DNAH3: variants seen among roughly 807,000 people sequenced by gnomAD.
DNAH3 encodes dynein axonemal heavy chain 3.
A neutral mutation model predicts 432.5 loss-of-function variants in DNAH3; 332 were observed. The ratio of observed to expected loss-of-function variants is 0.77; its 90% confidence interval spans 0.70 to 0.84. DNAH3 has a LOEUF of 0.84. DNAH3 is among the 40% of genes least tolerant of loss of function. DNAH3 has a pLI of 0.00. For synonymous variants in DNAH3, 1,956 were observed against 1,900.2 expected, an observed-to-expected ratio of 1.03 and a Z score of -0.76; for missense variants, 4,861 against 5,114.0, an observed-to-expected ratio of 0.95 and a Z score of 1.51.
At chr16:20,979,530 T>G (rs759681447) in exon 50 of DNAH3, 1 of 1,614,144 alleles carries the variant, frequency 6.2e-7, no homozygotes, top group Non-Finnish European at 8.5e-7. Context: ...TGGAAATATT[T>G]GCACATGGAC....
intron 18 of DNAH3, among the ~76,000 whole-genome samples, chr16:21,092,324 G>C (rs2091558629): frequency 6.6e-6 from 1 of 152,056 alleles, no homozygotes; most frequent in Non-Finnish European, 1.5e-5. Flanking sequence ...CACAAATATA[G>C]TCAACTGGTC....
intron 17 of DNAH3, among the ~76,000 whole-genome samples, 178 bp downstream of exon 17, chr16:21,098,438 C>CAAA (rs57032212): frequency 1.4e-4 from 9 of 62,884 alleles, no homozygotes; most frequent in African/African-American, 1.5e-4. Flanking sequence ...GACCTTGTCT[C>CAAA]AAAAAAAAAA....
chr16:21,081,780 G>C (rs982430875), intron 19 of DNAH3, 53 bp from the exon 20 acceptor site: 1 of 1,456,694 alleles, frequency 6.9e-7, no homozygotes. Flanking sequence ...GTGCTGTCCA[G>C]TAGAACCTTC....
At chr16:20,988,377 T>G (rs899252113) in intron 44 of DNAH3, among the ~76,000 whole-genome samples, 1 of 152,224 alleles carries the variant, frequency 6.6e-6, no homozygotes, top group Non-Finnish European at 1.5e-5. Context: ...TACTGAGTGC[T>G]AGTTTAGTGC....
intron 41 of DNAH3, among the ~76,000 whole-genome samples, chr16:21,008,656 A>G (rs977126532): frequency 1.3e-5 from 2 of 152,140 alleles, no homozygotes; most frequent in African/African-American, 2.4e-5. Context: ...CCTTTTGTGC[A>G]GCTGCCCAGC....
chr16:21,051,911 G>A lies in DNAH3; in HGVS notation c.4040-43C>T, dbSNP rs1178051770. 19 of 1,550,864 alleles carry A rather than the reference G, an allele frequency of 1.2e-5. No individual in the cohort carries two copies. In the African/African-American group the frequency reaches 1.9e-4, roughly 15 times the overall value. On this transcript the variant is annotated intron_variant, in intron 28 of 61. Coordinates refer to ENST00000261383, the Ensembl canonical transcript of DNAH3. The stretch of plus-strand genomic sequence containing the variant: ...CAGAAACACGCACACAGAGCCATCA[G>A]AACTCTCCATCTTTGTAAGCTCCTC...
intron 34 of DNAH3, among the ~76,000 whole-genome samples, 198 bp downstream of exon 34, chr16:21,037,563 T>C (rs2089232224): frequency 6.6e-6 from 1 of 152,202 alleles, no homozygotes; most frequent in African/African-American, 2.4e-5. Context: ...AGTGAAACCA[T>C]TTTTATTAAA....
intron 60 of DNAH3, 99 bp from the exon 61 acceptor site, chr16:20,935,584 A>G (rs1487638433): frequency 4.3e-6 from 6 of 1,387,500 alleles, no homozygotes; most frequent in Non-Finnish European, 1.9e-6. Context: ...ATGTTTTTTC[A>G]TATTTTTCTT....
chr16:21,104,162 CTAT>C, intron 16 of DNAH3: 1 of 256,728 alleles, frequency 3.9e-6, no homozygotes, highest in Non-Finnish European at 7.6e-6. Context: ...GACAATTTCA[CTAT>C]TATTATTGGG....
chr16:20,964,844 C>T, exon 53 of DNAH3: 1 of 1,614,114 alleles, frequency 6.2e-7, no homozygotes, highest in East Asian at 2.2e-5. Flanking sequence ...CGATAATCCA[C>T]TGTAAAAGCG....
Position 20,969,814 on chromosome 16 carries a change from C to T in DNAH3, c.8436G>A (p.Arg2812=), listed in dbSNP as rs755728691. The T allele has an allele frequency of 1.1e-5, 17 of 1,614,096 alleles. No homozygotes were observed. The South Asian group carries it at 1.9e-4, about 18-fold the overall frequency. Residue 2812 remains arginine, a synonymous_variant, in exon 52 of 62, where the codon AGG becomes AGA. Coordinates refer to ENST00000261383, the Ensembl canonical transcript of DNAH3. Reference sequence around the variant, plus strand: ...TACCGGAGCCACTGGGGTCTGGCTTCCTCTCTGGCTTCATCCCTTTCATGA... The same window carrying T: ...TACCGGAGCCACTGGGGTCTGGCTTTCTCTCTGGCTTCATCCCTTTCATGA...
At chr16:21,106,188 A>C (rs889588960) in intron 15 of DNAH3, among the ~76,000 whole-genome samples, 16 of 151,514 alleles carry the variant, frequency 1.1e-4, no homozygotes, top group South Asian at 8.4e-4. Flanking sequence ...AAAAAAAAAA[A>C]AAAAAAAAAA....
intron 1 of DNAH3, among the ~76,000 whole-genome samples, chr16:21,156,200 A>AT (rs548372062): frequency 8.2e-4 from 62 of 75,756 alleles, no homozygotes; most frequent in African/African-American, 2.6e-3. Flanking sequence ...ATTTTATTTT[A>AT]TTTATTTTAT....
intron 50 of DNAH3, among the ~76,000 whole-genome samples, chr16:20,975,794 G>A (rs2085561454): frequency 6.6e-6 from 1 of 152,044 alleles, no homozygotes; most frequent in Non-Finnish European, 1.5e-5. Context: ...ACCCAGGCTG[G>A]AGTGCAGTGG....
intron 12 of DNAH3, among the ~76,000 whole-genome samples, chr16:21,115,745 T>A (rs923473157): frequency 3.4e-5 from 5 of 148,128 alleles, no homozygotes; most frequent in African/African-American, 2.5e-5. Flanking sequence ...TAAAATAAAA[T>A]AAAAATAAAA....
At chr16:20,975,012 G>A (rs1386820547) in intron 51 of DNAH3, among the ~76,000 whole-genome samples, 4 of 132,884 alleles carry the variant, frequency 3.0e-5, no homozygotes, top group African/African-American at 5.8e-5. Context: ...TTTTTTTAAA[G>A]TAGAGATGAG....
intron 59 of DNAH3, 76 bp from the exon 60 acceptor site, chr16:20,936,929 C>T (rs142241436): frequency 2.3e-4 from 272 of 1,184,660 alleles, no homozygotes; most frequent in Non-Finnish European, 3.0e-4. Context: ...ACTGCTGTCC[C>T]CTTTAAAATG....
At chr16:21,036,895 T>C in intron 34 of DNAH3, 47 bp from the exon 35 acceptor site, 1 of 1,478,084 alleles carries the variant, frequency 6.8e-7, no homozygotes, top group Non-Finnish European at 9.4e-7. Flanking sequence ...AAGTATCAGA[T>C]ATATGACCTC....
chr16:20,987,233 GAA>G (rs2086240590), intron 47 of DNAH3, 70 bp downstream of exon 47: 3 of 1,578,366 alleles, frequency 1.9e-6, no homozygotes, highest in Admixed American at 1.8e-5. Context: ...AAGGGAACCT[GAA>G]ATCTGAAAGT....
Sources: gnomAD v4.1 joint callset for allele counts (sites outside exome capture counted in the v4.1 genomes callset) on GRCh38, gnomAD v4.1.1 for gene constraint, MANE v1.5 for transcripts, NCBI Gene and HGNC (gene_info 2026-07-23, HGNC 2026-07-21) for gene names.